The following RIMS2 variants were observed in gnomAD, a reference collection of about 807,000 sequenced individuals.
RIMS2 encodes the protein regulating synaptic membrane exocytosis protein 2.
In RIMS2, 59 loss-of-function variants were observed where a neutral mutation model predicts 174.4. The observed-to-expected ratio is 0.34, with a 90% CI of 0.27 to 0.42. The LOEUF is 0.42. RIMS2 is among the 10% of genes least tolerant of loss of function. The pLI, the probability that RIMS2 is intolerant of heterozygous loss-of-function variation, is 1.00. For synonymous variants in RIMS2, 606 were observed against 572.5 expected (o/e 1.06, Z -0.84); for missense variants, 1,620 against 1,666.3 (o/e 0.97, Z 0.48).
chr8:104,006,002 A>C (rs1280818454), intron 17 of RIMS2, among the ~76,000 whole-genome samples: 1 of 152,026 alleles, frequency 6.6e-6, no homozygotes, highest in African/African-American at 2.4e-5. Context: ...AGTCAATGTG[A>C]TGTAAGCCAA....
At chr8:103,989,661 G>C (rs1429594215) in intron 17 of RIMS2, among the ~76,000 whole-genome samples, 1 of 152,062 alleles carries the variant, frequency 6.6e-6, no homozygotes, top group Admixed American at 6.5e-5. Flanking sequence ...TTTGTTTTTG[G>C]TTTAATCAAA....
intron 1 of RIMS2, among the ~76,000 whole-genome samples, chr8:103,680,225 A>G (rs573762875): frequency 1.3e-5 from 2 of 152,196 alleles, no homozygotes; most frequent in South Asian, 4.1e-4. Flanking sequence ...AAACAGACCT[A>G]TGTATATATG....
At chr8:103,516,068 C>T (rs1828826590) in intron 1 of RIMS2, among the ~76,000 whole-genome samples, 1 of 151,934 alleles carries the variant, frequency 6.6e-6, no homozygotes, top group Admixed American at 6.6e-5. Context: ...TCATCGATTT[C>T]AAATATAGTG....
At chr8:104,200,958 G>GTTGTT (rs1489629498) in intron 19 of RIMS2, among the ~76,000 whole-genome samples, 3 of 152,072 alleles carry the variant, frequency 2.0e-5, no homozygotes, top group Non-Finnish European at 4.4e-5. Context: ...TAAAACAAAG[G>GTTGTT]TTGTTTTTGT....
At chr8:103,678,892 G>T (rs1564259817) in intron 1 of RIMS2, among the ~76,000 whole-genome samples, 1 of 151,696 alleles carries the variant, frequency 6.6e-6, no homozygotes, top group Non-Finnish European at 1.5e-5. Context: ...GGTGGTTACT[G>T]TTTTTTTTAA....
chr8:104,233,526 T>C (rs539011890), intron 19 of RIMS2, among the ~76,000 whole-genome samples: 1 of 152,274 alleles, frequency 6.6e-6, no homozygotes, highest in East Asian at 1.9e-4. Flanking sequence ...TAGAGTACGT[T>C]TCTTAGTTTA....
intron 1 of RIMS2, among the ~76,000 whole-genome samples, chr8:103,503,768 A>C (rs1422658704): frequency 6.6e-6 from 1 of 152,006 alleles, no homozygotes; most frequent in African/African-American, 2.4e-5. Context: ...GAACCTTATT[A>C]ATATTTAATA....
At chr8:104,076,608 C>T (rs1223992010) in intron 19 of RIMS2, among the ~76,000 whole-genome samples, 1 of 151,966 alleles carries the variant, frequency 6.6e-6, no homozygotes. Context: ...GATAATCACT[C>T]TTCAATATAT....
At chr8:103,811,621 T>C (rs573597503) in intron 3 of RIMS2, among the ~76,000 whole-genome samples, 45 of 152,224 alleles carry the variant, frequency 3.0e-4, no homozygotes, top group South Asian at 2.1e-3. Flanking sequence ...ATTTTTTGCA[T>C]TTTTAATAGA....
At chr8:103,652,552 T>C (rs1197857022) in intron 1 of RIMS2, 72 bp from the exon 3 acceptor site, 1 of 773,472 alleles carries the variant, frequency 1.3e-6, no homozygotes, top group Non-Finnish European at 1.9e-6. Context: ...ATTTTTATTA[T>C]GGATAAGAAA....
At chr8:104,042,393 AG>A (rs1454021412) in intron 19 of RIMS2, among the ~76,000 whole-genome samples, 1 of 151,682 alleles carries the variant, frequency 6.6e-6, no homozygotes, top group East Asian at 1.9e-4. Flanking sequence ...GTTTGTTTCT[AG>A]AAAGATTACT....
intron 2 of RIMS2, among the ~76,000 whole-genome samples, chr8:103,764,403 CTTCA>C (rs754840922): frequency 1.2e-4 from 18 of 152,118 alleles, no homozygotes; most frequent in Non-Finnish European, 2.5e-4. Context: ...GACATTCAAA[CTTCA>C]TTTATTTTTA....
At chr8:103,536,313 T>A (rs1419690109) in intron 1 of RIMS2, among the ~76,000 whole-genome samples, 1 of 152,162 alleles carries the variant, frequency 6.6e-6, no homozygotes, top group Non-Finnish European at 1.5e-5. Flanking sequence ...AAATGTGATT[T>A]ATGGCAGAGA....
chr8:103,667,004 G>A (rs910302109), intron 1 of RIMS2, among the ~76,000 whole-genome samples: 6 of 152,152 alleles, frequency 3.9e-5, no homozygotes, highest in Middle Eastern at 3.2e-3. Flanking sequence ...AGAGAATACA[G>A]TGCACCAGGG....
At chr8:104,171,514 ATC>A (rs925699661) in intron 19 of RIMS2, among the ~76,000 whole-genome samples, 6 of 117,530 alleles carry the variant, frequency 5.1e-5, no homozygotes, top group East Asian at 5.7e-4. Flanking sequence ...ATATATATAT[ATC>A]TCTCTCTGGA....
intron 19 of RIMS2, among the ~76,000 whole-genome samples, chr8:104,116,594 T>G (rs368085693): frequency 1.3e-5 from 2 of 152,160 alleles, no homozygotes; most frequent in South Asian, 2.1e-4. Flanking sequence ...GGATTTACAT[T>G]TGTATGAAGT....
chr8:103,649,273 C>T (rs931241956), intron 1 of RIMS2, among the ~76,000 whole-genome samples: 1 of 152,144 alleles, frequency 6.6e-6, no homozygotes, highest in Non-Finnish European at 1.5e-5. Context: ...GGCCCCTAAT[C>T]TCTTCTGGCT....
At chr8:103,530,312 T>C (rs796559426) in intron 1 of RIMS2, among the ~76,000 whole-genome samples, 23 of 152,164 alleles carry the variant, frequency 1.5e-4, no homozygotes, top group African/African-American at 5.1e-4. Context: ...ATAAAAAGTA[T>C]TTAATTAATT....
chr8:103,587,612 T>C (rs2094023729), intron 1 of RIMS2, among the ~76,000 whole-genome samples: 1 of 152,022 alleles, frequency 6.6e-6, no homozygotes, highest in South Asian at 2.1e-4. Context: ...TGGCTCAACG[T>C]ACACAAATCA....
Sources: gnomAD v4.1 joint callset for allele counts (sites outside exome capture counted in the v4.1 genomes callset) on GRCh38, gnomAD v4.1.1 for gene constraint, MANE v1.5 for transcripts, NCBI Gene and HGNC (gene_info 2026-07-23, HGNC 2026-07-21) for gene names.